The following AFAP1 variants were observed in gnomAD, a reference collection of about 807,000 sequenced individuals.
The protein encoded by AFAP1 is actin filament associated protein 1.
A neutral mutation model predicts 93.9 loss-of-function variants in AFAP1; 75 were observed. That is an observed-to-expected ratio of 0.80 (90% CI 0.66 to 0.97). AFAP1 has a LOEUF of 0.97. Ranked by LOEUF, AFAP1 falls within the 50% of genes least tolerant of loss-of-function variation. The pLI is 0.00. For synonymous variants in AFAP1, 517 were observed against 430.7 expected (o/e 1.20, Z -2.48); for missense variants, 1,201 against 1,050.8 (o/e 1.14, Z -1.98).
In AFAP1 at chr4:7,772,849, C is replaced by T. The variant is rs1413774312; in HGVS notation, c.2224G>A (p.Glu742Lys). The T allele has an allele frequency of 4.3e-6, 7 of 1,613,854 alleles. No individual in the cohort carries two copies. The highest frequency in any genetic ancestry group is 1.7e-5 in the Admixed American group (1 of 59,994). The change falls in exon 16 of 18, where the codon GAG (glutamate) becomes AAG (lysine). Residue 742 changes from glutamate to lysine, a missense_variant. Glu to Lys is a moderately conservative substitution (Grantham distance 56). Transcript: ENST00000420658. ...GGACTCGATGTCCCTGACTTGGGCT[C>T]GATGGCCAGCCCCAGGGTGACTCCG... ...AGGVTLGLAI[E>K]PKSGTSSPQS...
chr4:7,872,975 C>T (rs908796619), intron 1 of AFAP1, among the ~76,000 whole-genome samples: 89 of 139,950 alleles, frequency 6.4e-4, no homozygotes, highest in African/African-American at 2.4e-3. Context: ...TTGGGCTGGG[C>T]GCGGTGGCTC....
chr4:7,768,199 G>A (rs895337367), intron 17 of AFAP1, among the ~76,000 whole-genome samples: 11 of 152,258 alleles, frequency 7.2e-5, no homozygotes, highest in Admixed American at 2.0e-4. Context: ...TCACACCATC[G>A]CACTCCGTGC....
intron 4 of AFAP1, among the ~76,000 whole-genome samples, chr4:7,849,005 C>A (rs1318229598): frequency 6.6e-6 from 1 of 152,182 alleles, no homozygotes; most frequent in Non-Finnish European, 1.5e-5. Flanking sequence ...TAGGGCGTCA[C>A]GACTTTCCAA....
chr4:7,839,189 A>T (rs1712686600), intron 5 of AFAP1, among the ~76,000 whole-genome samples: 1 of 151,964 alleles, frequency 6.6e-6, no homozygotes, highest in Non-Finnish European at 1.5e-5. Context: ...ATAAAAAATT[A>T]GCCAGGCATG....
chr4:7,819,146 C>T lies in AFAP1; in HGVS notation c.752G>A (p.Cys251Tyr), dbSNP rs746517292. Reference sequence around the variant, plus strand: ...ACACTCTGAATCCACGGGGCCACTACAACCACTGTAGGCTTCTTTGATCAC... The same window carrying T: ...ACACTCTGAATCCACGGGGCCACTATAACCACTGTAGGCTTCTTTGATCAC... ...LKVIKEAYSG[C>Y]SGPVDSECPP... Residue 251 changes from cysteine to tyrosine, a missense_variant, in exon 7 of 18, where the codon TGT (cysteine) becomes TAT (tyrosine). Physicochemically the swap from Cys to Tyr is radical, Grantham distance 194. Transcript: ENST00000420658. 20 of 1,613,510 alleles carry T rather than the reference C, an allele frequency of 1.2e-5. No homozygotes were observed. Among genetic ancestry groups the T allele is most frequent in the East Asian group, 2.2e-5 (1 of 44,884 alleles).
At position 7,763,806 on chromosome 4, in the gene AFAP1, A is replaced by G. The variant is rs1320982633; in HGVS notation, c.2419-15T>C. On this transcript the variant is annotated splice_polypyrimidine_tract_variant and intron_variant, in intron 17 of 17. Transcript: ENST00000420658. ...AATTCCCATTCCTAGAGGAAAGGAG[A>G]GTCTTGTAAGTGGACAGGGCAAGAG... is the stretch of plus-strand genomic sequence containing the variant. The G allele has an allele frequency of 6.4e-7, 1 of 1,551,494 alleles. No individual in the cohort carries two copies. Among genetic ancestry groups the G allele is most frequent in the South Asian group, 1.2e-5 (1 of 84,048 alleles).
chr4:7,788,781 C>T (rs1178408515), intron 11 of AFAP1: 1 of 133,686 alleles, frequency 7.5e-6, no homozygotes, highest in Non-Finnish European at 1.6e-5. Flanking sequence ...AAAGCCTGGC[C>T]ACAGGGACCA....
chr4:7,834,512 T>C (rs1030619882), intron 6 of AFAP1, among the ~76,000 whole-genome samples: 1 of 152,296 alleles, frequency 6.6e-6, no homozygotes. Flanking sequence ...CTATGGAAAT[T>C]TAAAAAAAAT....
rs187572289 is a variant in AFAP1, at chr4:7,818,785, C to T, written c.822+291G>A. The stretch of plus-strand genomic sequence containing the variant: ...TTCCGGAAGTAGACAGGCTTGCCTT[C>T]AGACTTCAGCTCTGCCATTTAATAG... On this transcript the variant is annotated intron_variant, in intron 7 of 17. Transcript: ENST00000420658. Among the ~76,000 whole-genome samples, 230 of 152,342 alleles carry T rather than the reference C, an allele frequency of 1.5e-3. 1 individual carries two copies. Among genetic ancestry groups the T allele is most frequent in the African/African-American group, 5.4e-3 (224 of 41,580 alleles).
In AFAP1 at chr4:7,772,981, TCTC is replaced by T. The variant is rs774720220; in HGVS notation, c.2089_2091del (p.Glu697del). 1.6e-5 allele frequency: 25 copies of T among 1,611,940 alleles called. No individual in the cohort carries two copies. Among genetic ancestry groups the T allele is most frequent in the Non-Finnish European group, 1.9e-5 (23 of 1,179,970 alleles). ...CACTCCTCCTCCAGCTGCTTCAGCT[TCTC>T]CTCCAGGATCGCCTGCGGCTTCCTG... On this transcript the variant is annotated inframe_deletion, in exon 16 of 18. Coordinates refer to ENST00000420658, the MANE Select transcript of AFAP1 (RefSeq NM_001134647.2).
intron 6 of AFAP1, among the ~76,000 whole-genome samples, chr4:7,824,613 A>G (rs1334294785): frequency 6.6e-6 from 1 of 152,232 alleles, no homozygotes; most frequent in Non-Finnish European, 1.5e-5. Context: ...CAACTTCATT[A>G]AAGATTTTTA....
chr4:7,936,704 C>T (rs1272521891), intron 1 of AFAP1, among the ~76,000 whole-genome samples: 1 of 151,684 alleles, frequency 6.6e-6, no homozygotes, highest in Non-Finnish European at 1.5e-5. Context: ...GCCTCAGCTT[C>T]CCGAGTAGCT....
At chr4:7,771,067 A>C (rs1406227135) in intron 16 of AFAP1, among the ~76,000 whole-genome samples, 3 of 152,232 alleles carry the variant, frequency 2.0e-5, no homozygotes, top group Non-Finnish European at 2.9e-5. Flanking sequence ...CCTCCTCCTC[A>C]GCACTGTTTC....
chr4:7,919,198 C>A (rs983742644), intron 1 of AFAP1, among the ~76,000 whole-genome samples: 1 of 152,204 alleles, frequency 6.6e-6, no homozygotes, highest in African/African-American at 2.4e-5. Context: ...GAAATTCACA[C>A]AGATTATCCC....
At position 7,877,986 on chromosome 4, in the gene AFAP1, G is replaced by A. The variant is rs150502622; in HGVS notation, c.-2-5906C>T. ...CCTGACTACGTTCAACATAAACCAAGTGCTCAGAACACACACATGGAAGCA... is the reference window on the plus strand; with the variant it reads ...CCTGACTACGTTCAACATAAACCAAATGCTCAGAACACACACATGGAAGCA... On this transcript the variant is annotated intron_variant, in intron 1 of 17. Transcript: ENST00000420658. Among the ~76,000 whole-genome samples, 9 of 152,246 alleles carry A rather than the reference G, an allele frequency of 5.9e-5. No homozygotes were observed. In the South Asian group the frequency reaches 1.9e-3, roughly 32 times the overall value.
chr4:7,801,573 G>A (rs765044140), intron 9 of AFAP1, among the ~76,000 whole-genome samples: 2 of 152,088 alleles, frequency 1.3e-5, no homozygotes, highest in African/African-American at 4.8e-5. Context: ...CATAATGCTA[G>A]TAAATTACTG....
intron 3 of AFAP1, 121 bp from the exon 4 acceptor site, chr4:7,855,695 G>A: frequency 1.2e-6 from 1 of 803,762 alleles, no homozygotes; most frequent in South Asian, 1.5e-5. Flanking sequence ...TTCGGCAAAA[G>A]AGAACCTCAT....
Position 7,800,593 on chromosome 4 carries a change from T to C in AFAP1, c.1115A>G (p.Asn372Ser). ...CCTGTCCTTGTGGAAAATGAGCTTG[T>C]TATCTTTCACTCGGCACCAGCGCTC... is the stretch of plus-strand genomic sequence containing the variant. The part of the protein sequence containing the change: ...WRERWCRVKD[N>S]KLIFHKDRTD... The change falls in exon 10 of 18, where the codon AAC becomes AGC. Residue 372 changes from asparagine (N) to serine (S), a missense_variant. Physicochemically the swap from Asn to Ser is conservative, Grantham distance 46. Coordinates refer to ENST00000420658, the MANE Select transcript of AFAP1 (RefSeq NM_001134647.2). 6.2e-7 allele frequency: 1 copy of C among 1,614,212 alleles called. No individual in the cohort carries two copies. Among genetic ancestry groups the C allele is most frequent in the Non-Finnish European group, 8.5e-7 (1 of 1,180,030 alleles).
chr4:7,766,585 G>A (rs1487060479), intron 17 of AFAP1, among the ~76,000 whole-genome samples: 1 of 125,754 alleles, frequency 8.0e-6, no homozygotes. Context: ...ATCTCCAGGT[G>A]ACTGTGTCAC....
Sources: gnomAD v4.1 joint callset for allele counts (sites outside exome capture counted in the v4.1 genomes callset) on GRCh38, gnomAD v4.1.1 for gene constraint, MANE v1.5 for transcripts, NCBI Gene and HGNC (gene_info 2026-07-23, HGNC 2026-07-21) for gene names.